Variants in EML1 observed in about 807,000 individuals in gnomAD.
EML1 encodes echinoderm microtubule-associated protein-like 1.
A neutral mutation model predicts 110.4 loss-of-function variants in EML1; 27 were observed. The observed-to-expected ratio is 0.24, with a 90% CI of 0.18 to 0.34. The LOEUF (loss-of-function observed/expected upper bound fraction) is 0.34, where lower values mean the gene tolerates loss of function less well. Ranked by LOEUF, EML1 falls within the 10% of genes least tolerant of loss-of-function variation. EML1 has a pLI of 1.00. For synonymous variants in EML1, 344 were observed against 385.8 expected (o/e 0.89, Z 1.27); for missense variants, 741 against 1,030.9 (o/e 0.72, Z 3.85).
chr14:99,874,975 G>A, intron 3 of EML1: 1 of 1,613,644 alleles, frequency 6.2e-7, no homozygotes, highest in Non-Finnish European at 8.5e-7. Flanking sequence ...AAACTGAATA[G>A]ATCGACACCA....
chr14:99,802,514 G>A (rs1238182353), intron 1 of EML1, among the ~76,000 whole-genome samples: 5 of 151,976 alleles, frequency 3.3e-5, no homozygotes, highest in African/African-American at 7.3e-5. Flanking sequence ...GGAGCAAGAC[G>A]CAGGAGATAC....
chr14:99,783,548 GATCTC>G (rs1342542976), intron 1 of EML1, among the ~76,000 whole-genome samples: 19 of 149,142 alleles, frequency 1.3e-4, no homozygotes, highest in African/African-American at 4.5e-4. Flanking sequence ...GCAGTGGTGT[GATCTC>G]AGCTCACTGC....
Position 99,909,177 on chromosome 14 carries a change from G to A in EML1, c.1105-168G>A, listed in dbSNP as rs564255276. The A allele has an allele frequency of 2.9e-6, 3 of 1,035,470 alleles. No homozygotes were observed. The African/African-American group carries it at 4.7e-5, about 16-fold the overall frequency. 64.1% of individuals were successfully genotyped at this position (1,035,470 alleles called of 1,614,324 possible). On this transcript the variant is annotated intron_variant, in intron 10 of 21. Coordinates refer to ENST00000262233, the MANE Select transcript of EML1 (RefSeq NM_004434.3). Reference sequence around the variant, plus strand: ...GGAGGAGGTATTAAGGCCCACACCAGCATATGCTTGATGTTTTTAGCAAGA... The same window carrying A: ...GGAGGAGGTATTAAGGCCCACACCAACATATGCTTGATGTTTTTAGCAAGA...
chr14:99,877,543 G>C (rs933864201), intron 3 of EML1, among the ~76,000 whole-genome samples: 5 of 152,206 alleles, frequency 3.3e-5, no homozygotes, highest in Non-Finnish European at 7.4e-5. Context: ...GCAGTCTTTG[G>C]GAAGACTTCC....
At chr14:99,741,980 T>G (rs1438284715) in intron 1 of EML1, among the ~76,000 whole-genome samples, 1 of 152,102 alleles carries the variant, frequency 6.6e-6, no homozygotes, top group Non-Finnish European at 1.5e-5. Context: ...CAGGCCTGTC[T>G]AGGGGCAGTG....
intron 1 of EML1, among the ~76,000 whole-genome samples, chr14:99,819,600 A>T (rs948874641): frequency 2.6e-5 from 4 of 152,222 alleles, no homozygotes; most frequent in African/African-American, 9.6e-5. Context: ...AAGTTTAGAC[A>T]AGATCTGTTC....
chr14:99,844,676 C>T (rs921550980), intron 1 of EML1, among the ~76,000 whole-genome samples: 3 of 152,138 alleles, frequency 2.0e-5, no homozygotes, highest in African/African-American at 7.2e-5. Flanking sequence ...TTCAAAATTC[C>T]CTTGTGCAGT....
chr14:99,752,225 C>T (rs889659231), intron 1 of EML1, among the ~76,000 whole-genome samples: 6 of 152,132 alleles, frequency 3.9e-5, no homozygotes, highest in Non-Finnish European at 8.8e-5. Context: ...CATTTCCCTT[C>T]TTATGTACCC....
intron 1 of EML1, among the ~76,000 whole-genome samples, chr14:99,767,681 A>C (rs560560986): frequency 6.6e-6 from 1 of 152,248 alleles, no homozygotes; most frequent in East Asian, 1.9e-4. Flanking sequence ...AATGCAAGAC[A>C]TTTACAAATT....
chr14:99,894,054 A>C (rs927814966), intron 5 of EML1, among the ~76,000 whole-genome samples: 4 of 151,592 alleles, frequency 2.6e-5, no homozygotes, highest in Non-Finnish European at 4.4e-5. Flanking sequence ...TTTGTTTTCC[A>C]TTTCTAGATT....
intron 4 of EML1, 59 bp downstream of exon 4, chr14:99,878,678 C>T: frequency 6.5e-7 from 1 of 1,549,154 alleles, no homozygotes; most frequent in South Asian, 1.2e-5. Context: ...GGCTTGTCCC[C>T]AGAGAGGAGT....
At chr14:99,888,654 G>T (rs553635282) in intron 4 of EML1, among the ~76,000 whole-genome samples, 1 of 152,264 alleles carries the variant, frequency 6.6e-6, no homozygotes, top group South Asian at 2.1e-4. Context: ...CTAAAAATGA[G>T]AACAATTCAG....
chr14:99,865,843 G>A (rs1236116643), intron 3 of EML1, among the ~76,000 whole-genome samples, 197 bp downstream of exon 3: 1 of 152,200 alleles, frequency 6.6e-6, no homozygotes, highest in Non-Finnish European at 1.5e-5. Context: ...TACTTGTGTT[G>A]CCTTTGAAAC....
intron 1 of EML1, among the ~76,000 whole-genome samples, chr14:99,747,827 G>T (rs1427058701): frequency 6.6e-6 from 1 of 152,208 alleles, no homozygotes; most frequent in Non-Finnish European, 1.5e-5. Context: ...TCCCGCTGCA[G>T]GGTCAGCAAT....
Position 99,784,545 on chromosome 14 carries a change from T to G in EML1, c.-27+10532T>G, listed in dbSNP as rs1286739387. On this transcript the variant is annotated intron_variant, in intron 1 of 22. Transcript: ENST00000327921. This position sits in a 1 kb window ranked among gnomAD's most constrained non-coding sequence, Gnocchi z 4.5. ...TACTGGGTTTCTTAGATAATAGAGTTGTCATATCCATTTGGACTATCAACA... is the reference window on the plus strand; with the variant it reads ...TACTGGGTTTCTTAGATAATAGAGTGGTCATATCCATTTGGACTATCAACA... Among the ~76,000 whole-genome samples the G allele has an allele frequency of 6.6e-6, 1 of 152,264 alleles. No homozygotes were observed. The highest frequency in any genetic ancestry group is 1.9e-4 in the East Asian group (1 of 5,208).
chr14:99,861,207 A>G (rs779534099), intron 2 of EML1, among the ~76,000 whole-genome samples: 149 of 152,156 alleles, frequency 9.8e-4, no homozygotes, highest in Non-Finnish European at 1.5e-3. Flanking sequence ...GGGAGCAGGT[A>G]CTAGCTTCAA....
intron 1 of EML1, among the ~76,000 whole-genome samples, chr14:99,835,152 TCTTTAATAGGACTCTTTA>T (rs2058519326): frequency 6.6e-6 from 1 of 152,218 alleles, no homozygotes; most frequent in Admixed American, 6.5e-5. Context: ...CAAATTCTAT[TCTTTAATAGGACTCTTTA>T]GATCTATTTC....
intron 2 of EML1, among the ~76,000 whole-genome samples, chr14:99,851,998 A>C (rs189238319): frequency 3.3e-5 from 5 of 152,328 alleles, no homozygotes; most frequent in Admixed American, 3.3e-4. Flanking sequence ...ATTTCTAGCA[A>C]ATTTAAGTCA....
At chr14:99,785,551 A>G (rs1332363098) in intron 1 of EML1, among the ~76,000 whole-genome samples, 1 of 152,224 alleles carries the variant, frequency 6.6e-6, no homozygotes, top group Non-Finnish European at 1.5e-5. Flanking sequence ...GGGAAGGGAT[A>G]AAAGGTCATA....
Sources: gnomAD v4.1 joint callset for allele counts (sites outside exome capture counted in the v4.1 genomes callset) on GRCh38, gnomAD v4.1.1 for gene constraint, Gnocchi (gnomAD v3.1) non-coding constraint, MANE v1.5 for transcripts, NCBI Gene and HGNC (gene_info 2026-07-23, HGNC 2026-07-21) for gene names.